ADGRG6: variants seen among roughly 807,000 people sequenced by gnomAD.
ADGRG6 encodes G-protein coupled receptor 126.
A neutral mutation model predicts 142.4 loss-of-function variants in ADGRG6; 84 were observed. The observed-to-expected ratio is 0.59, with a 90% CI of 0.49 to 0.71. The LOEUF is 0.71. ADGRG6 is among the 30% of genes least tolerant of loss of function. The pLI is 0.00. For missense variants in ADGRG6, 1,367 were observed against 1,466.6 expected (o/e 0.93, Z 1.11); for synonymous variants, 521 against 520.5 (o/e 1.00, Z -0.01).
intron 2 of ADGRG6, among the ~76,000 whole-genome samples, chr6:142,355,663 C>G (rs1780407586): frequency 6.6e-6 from 1 of 152,090 alleles, no homozygotes; most frequent in Non-Finnish European, 1.5e-5. Context: ...ATTTTTAGGT[C>G]TGTGCCTCCT....
chr6:142,322,825 TCCTC>T (rs1778582506), intron 2 of ADGRG6, among the ~76,000 whole-genome samples: 1 of 152,168 alleles, frequency 6.6e-6, no homozygotes, highest in African/African-American at 2.4e-5. Flanking sequence ...AAGTGATTTG[TCCTC>T]ATTTCACAAA....
chr6:142,443,576 GCAA>G lies in ADGRG6; in HGVS notation c.*63_*65del. 9.1e-7 allele frequency: 1 copy of G among 1,101,942 alleles called. No individual in the cohort carries two copies. Among genetic ancestry groups the G allele is most frequent in the Non-Finnish European group, 1.3e-6 (1 of 747,290 alleles). The allele number at this position is 1,101,942 out of a possible 1,614,324, so 68.3% of individuals were successfully genotyped here. On this transcript the variant is annotated 3_prime_UTR_variant, in exon 25 of 25. Transcript: ENST00000367609. ...TGAAGATTTGCAAGCAGTGTAAACT[GCAA>G]CTAGTGATGTAAATGTGCTATTACC...
At chr6:142,380,675 T>TC (rs1223609602) in intron 4 of ADGRG6, among the ~76,000 whole-genome samples, 1 of 152,150 alleles carries the variant, frequency 6.6e-6, no homozygotes, top group Non-Finnish European at 1.5e-5. Context: ...TCTCACAGCC[T>TC]CCTGTGCCTC....
chr6:142,364,795 G>A (rs1209674831), intron 2 of ADGRG6, among the ~76,000 whole-genome samples: 1 of 152,178 alleles, frequency 6.6e-6, no homozygotes, highest in Non-Finnish European at 1.5e-5. Context: ...GATTGCTTGA[G>A]CCCAGTAGTT....
At chr6:142,423,796 C>G (rs1311653090) in intron 22 of ADGRG6, among the ~76,000 whole-genome samples, 8 of 141,720 alleles carry the variant, frequency 5.6e-5, no homozygotes, top group Non-Finnish European at 1.1e-4. Context: ...TTCTTCCTAC[C>G]CATGAGCATG....
Position 142,420,062 on chromosome 6 carries a change from A to G in ADGRG6, c.3277A>G (p.Ile1093Val). The G allele has an allele frequency of 6.2e-7, 1 of 1,612,654 alleles. No individual in the cohort carries two copies. Among genetic ancestry groups the G allele is most frequent in the South Asian group, 1.1e-5 (1 of 91,046 alleles). Residue 1093 changes from isoleucine (I) to valine (V), a missense_variant, in exon 22 of 25, where the codon ATC becomes GTC. Ile to Val is a conservative substitution (Grantham distance 29). This residue lies in a region of ADGRG6 where 344 missense variants were observed against 348.7 expected (regional missense o/e 0.99). Coordinates refer to ENST00000367609, the MANE Select transcript of ADGRG6 (RefSeq NM_198569.3). ...FAFFAWGPLN[I>V]PFMYLFSIFN... ...ATTCTTTGCCTGGGGACCCTTAAAT[A>G]TCCCCTTCATGTACCTCTTCTCCAT...
At chr6:142,442,158 T>C (rs759712535) in intron 24 of ADGRG6, among the ~76,000 whole-genome samples, 4 of 152,218 alleles carry the variant, frequency 2.6e-5, no homozygotes, top group African/African-American at 9.6e-5. Flanking sequence ...GTAAAAAGCA[T>C]TGGAGTGAAG....
chr6:142,329,873 G>A lies in ADGRG6; in HGVS notation c.103+20229G>A, dbSNP rs546448484. ...CATATCTGCCACTTATAGGAAGGGA[G>A]TAGAAAAGGAGGAGGCTGGGAAGAC... On this transcript the variant is annotated intron_variant, in intron 2 of 24. Coordinates refer to ENST00000367609, the MANE Select transcript of ADGRG6 (RefSeq NM_198569.3). Among the ~76,000 whole-genome samples the A allele has an allele frequency of 3.3e-5, 5 of 152,182 alleles. 1 individual carries two copies. The South Asian group carries it at 1.0e-3, about 31-fold the overall frequency.
rs756890815 is a variant in ADGRG6 at position 142,419,850 on chromosome 6, A to C, written c.3065A>C (p.Tyr1022Ser). Residue 1022 changes from tyrosine (Y) to serine (S), a missense_variant, in exon 22 of 25, where the codon TAT becomes TCT. Around this residue, in one of 3 missense-constraint regions of ADGRG6, gnomAD observed 344 missense variants for 348.7 expected, o/e 0.99. Coordinates refer to ENST00000367609, the MANE Select transcript of ADGRG6 (RefSeq NM_198569.3). ...TGGATTCAAGATCCAGTCATATTTT[A>C]TGTGACCTGTGCTGGGTATTTTGGA... ...FCWIQDPVIF[Y>S]VTCAGYFGVM... 5.4e-5 allele frequency: 87 copies of C among 1,611,288 alleles called. 6 individuals carry two copies. In the South Asian group the frequency reaches 9.4e-4, roughly 17 times the overall value.
In ADGRG6 at chr6:142,313,685, TTTTG is replaced by T. The variant is rs376831772; in HGVS notation, c.103+4049_103+4052del. On this transcript the variant is annotated intron_variant, in intron 2 of 24. Transcript: ENST00000367609. ...ATTGTGTAAAAAGAATCTTGTGCTTTTTTGTTTGTTTATGTGTTAATTTTTCTTA... is the reference window on the plus strand; with the variant it reads ...ATTGTGTAAAAAGAATCTTGTGCTTTTTTGTTTATGTGTTAATTTTTCTTA... 2.8e-3 allele frequency among the ~76,000 whole-genome samples: 431 copies of T among 152,282 alleles called. 1 individual carries two copies. Among genetic ancestry groups the T allele is most frequent in the South Asian group, 0.018 (89 of 4,826 alleles).
intron 22 of ADGRG6, among the ~76,000 whole-genome samples, chr6:142,426,957 G>A (rs146852516): frequency 3.9e-5 from 6 of 152,264 alleles, no homozygotes; most frequent in Admixed American, 3.3e-4. Flanking sequence ...AAAGCATGGG[G>A]ACTCTGAGCC....
At chr6:142,384,130 A>T (rs1781910578) in intron 6 of ADGRG6, among the ~76,000 whole-genome samples, 1 of 152,168 alleles carries the variant, frequency 6.6e-6, no homozygotes, top group Non-Finnish European at 1.5e-5. Context: ...AGAAGGCATT[A>T]ATGTGCATCA....
intron 22 of ADGRG6, among the ~76,000 whole-genome samples, chr6:142,431,179 G>A (rs1197265417): frequency 6.6e-6 from 1 of 151,996 alleles, no homozygotes; most frequent in Non-Finnish European, 1.5e-5. Flanking sequence ...TGGGATGAAA[G>A]TTTTGGGAGC....
intron 4 of ADGRG6, among the ~76,000 whole-genome samples, chr6:142,371,236 C>T (rs1382859063): frequency 6.6e-6 from 1 of 151,704 alleles, no homozygotes; most frequent in Non-Finnish European, 1.5e-5. Flanking sequence ...GATCTTGGCT[C>T]ACTGCAAACT....
In ADGRG6 at chr6:142,443,581, T is replaced by C; in HGVS notation, c.*66T>C. 2 of 1,043,030 alleles carry C rather than the reference T, an allele frequency of 1.9e-6. No individual in the cohort carries two copies. Among genetic ancestry groups the C allele is most frequent in the Non-Finnish European group, 2.9e-6 (2 of 696,136 alleles). The allele number at this position is 1,043,030 out of a possible 1,614,324, so 64.6% of individuals were successfully genotyped here. A position where few individuals can be genotyped will look rare whatever the true frequency, so the allele number is the denominator to read the frequency against. ...ATTTGCAAGCAGTGTAAACTGCAAC[T>C]AGTGATGTAAATGTGCTATTACCTA... On this transcript the variant is annotated 3_prime_UTR_variant, in exon 25 of 25. Coordinates refer to ENST00000367609, the MANE Select transcript of ADGRG6 (RefSeq NM_198569.3).
intron 2 of ADGRG6, among the ~76,000 whole-genome samples, chr6:142,313,308 A>G (rs1342952089): frequency 1.3e-5 from 2 of 152,062 alleles, no homozygotes; most frequent in Non-Finnish European, 2.9e-5. Flanking sequence ...GTTTCAGATA[A>G]TAACTTCTTT....
At chr6:142,389,324 T>C (rs1378684231) in intron 6 of ADGRG6, among the ~76,000 whole-genome samples, 3 of 151,960 alleles carry the variant, frequency 2.0e-5, no homozygotes, top group African/African-American at 7.2e-5. Context: ...TGTATTTCTA[T>C]ATTTTGTGTG....
At chr6:142,389,098 G>C (rs1301105869) in intron 6 of ADGRG6, among the ~76,000 whole-genome samples, 2 of 151,932 alleles carry the variant, frequency 1.3e-5, no homozygotes, top group Non-Finnish European at 2.9e-5. Flanking sequence ...GCTTGGACTT[G>C]TGCCAGTTTT....
chr6:142,409,311 G>T (rs1357644453), intron 16 of ADGRG6, among the ~76,000 whole-genome samples: 1 of 152,058 alleles, frequency 6.6e-6, no homozygotes, highest in African/African-American at 2.4e-5. Context: ...TGTCTTCAAG[G>T]TTTATCCATG....
Sources: gnomAD v4.1 joint callset for allele counts (sites outside exome capture counted in the v4.1 genomes callset) on GRCh38, gnomAD v4.1.1 for gene constraint, gnomAD v4.1.1 regional missense constraint, MANE v1.5 for transcripts, NCBI Gene and HGNC (gene_info 2026-07-23, HGNC 2026-07-21) for gene names.